DAPK2: variants seen among roughly 807,000 people sequenced by gnomAD.
DAPK2 encodes the protein death-associated protein kinase 2.
Under a neutral mutation model 44.1 loss-of-function variants are expected in DAPK2, and 35 were observed. The observed-to-expected ratio is 0.79, with a 90% CI of 0.61 to 1.05. The LOEUF (loss-of-function observed/expected upper bound fraction) is 1.05, where lower values mean the gene tolerates loss of function less well. DAPK2 is among the 50% of genes least tolerant of loss of function. The pLI, the probability that DAPK2 is intolerant of heterozygous loss-of-function variation, is 0.00. For synonymous variants in DAPK2, 174 were observed against 182.6 expected, an observed-to-expected ratio of 0.95 and a Z score of 0.38; for missense variants, 453 against 483.2, an observed-to-expected ratio of 0.94 and a Z score of 0.59.
At chr15:64,043,243 A>C (rs946918272), upstream of DAPK2, among the ~76,000 whole-genome samples, 1 of 152,250 alleles carries the variant, frequency 6.6e-6, no homozygotes, top group African/African-American at 2.4e-5. Context: ...ACTGTTCAGC[A>C]ATTTCTTTGG....
intron 8 of DAPK2, chr15:63,922,553 G>A (rs1426117507): frequency 7.2e-7 from 1 of 1,393,336 alleles, no homozygotes. Flanking sequence ...GATTGGTGAG[G>A]GGAGGTGCAG....
At chr15:64,041,658 T>C (rs539503444), upstream of DAPK2, among the ~76,000 whole-genome samples, 2 of 152,298 alleles carry the variant, frequency 1.3e-5, no homozygotes, top group South Asian at 4.1e-4. Flanking sequence ...CAACCACACA[T>C]GGGCTCCACG....
rs777820396 is a variant in DAPK2 at position 63,983,750 on chromosome 15, G to A, written c.97C>T (p.Gln33Ter). 134 of 1,610,356 alleles carry A rather than the reference G, an allele frequency of 8.3e-5. No individual in the cohort carries two copies. The highest frequency in any genetic ancestry group is 1.1e-4 in the Non-Finnish European group (132 of 1,179,918). Residue 33 changes from glutamine (Q) to a stop codon, truncating the protein, a stop_gained, in exon 2 of 11, where the codon CAG (glutamine) becomes TAG (stop). Transcript: ENST00000261891. LOFTEE classifies it high-confidence loss of function. ...CGGCACTTCTTCACGATGGCAAACTGGCCACTGTGGGGACACAGACCCACA... is the reference window on the plus strand; with the variant it reads ...CGGCACTTCTTCACGATGGCAAACTAGCCACTGTGGGGACACAGACCCACA...
At chr15:64,005,718 G>C (rs2079208007) in intron 1 of DAPK2, among the ~76,000 whole-genome samples, 1 of 152,142 alleles carries the variant, frequency 6.6e-6, no homozygotes, top group Non-Finnish European at 1.5e-5. Context: ...AGAAGAACCA[G>C]ATTCAAACCA....
chr15:63,929,389 T>G, intron 6 of DAPK2, 162 bp downstream of exon 7: 1 of 830,644 alleles, frequency 1.2e-6, no homozygotes, highest in Non-Finnish European at 1.9e-6. Flanking sequence ...ATGGATGAAA[T>G]GGACCTACAG....
At chr15:63,933,532 A>G (rs917569638) in intron 4 of DAPK2, among the ~76,000 whole-genome samples, 4 of 144,218 alleles carry the variant, frequency 2.8e-5, no homozygotes, top group African/African-American at 1.0e-4. Context: ...CGTGAGCCAC[A>G]GCGCCTGGCC....
chr15:64,031,235 T>C (rs2080005576), intron 1 of DAPK2, among the ~76,000 whole-genome samples: 1 of 151,176 alleles, frequency 6.6e-6, no homozygotes, highest in Admixed American at 6.6e-5. Context: ...GGGCAGATTT[T>C]CTTTTTTTTT....
In DAPK2 at chr15:63,908,560, C is replaced by G; in HGVS notation, c.1073G>C (p.Arg358Thr). The change falls in exon 11 of 11, where the codon AGG becomes ACG. Residue 358 changes from arginine to threonine, a missense_variant. Physicochemically the swap from Arg to Thr is moderately conservative, Grantham distance 71. Coordinates refer to ENST00000261891, the Ensembl canonical transcript of DAPK2. The surrounding 1 kb of genome is among the most constrained non-coding windows in gnomAD (Gnocchi z 5.7). ...CCTCCTCCGTGGGTGGAGGGCTTTCCTCCTGGCGATGTCCTCCTCAGTGTC... is the reference window on the plus strand; with the variant it reads ...CCTCCTCCGTGGGTGGAGGGCTTTCGTCCTGGCGATGTCCTCCTCAGTGTC... The G allele has an allele frequency of 6.2e-7, 1 of 1,602,790 alleles. No homozygotes were observed. Among genetic ancestry groups the G allele is most frequent in the Non-Finnish European group, 8.5e-7 (1 of 1,175,866 alleles).
At chr15:63,925,032 T>C (rs1567206314) in intron 7 of DAPK2, among the ~76,000 whole-genome samples, 171 bp from the exon 9 acceptor site, 3 of 152,190 alleles carry the variant, frequency 2.0e-5, no homozygotes, top group Admixed American at 1.3e-4. Context: ...AATCCTGCAC[T>C]CCAGGGGAAG....
At chr15:64,027,155 G>C (rs1460204631) in intron 1 of DAPK2, among the ~76,000 whole-genome samples, 1 of 152,180 alleles carries the variant, frequency 6.6e-6, no homozygotes, top group African/African-American at 2.4e-5. Flanking sequence ...GGCCAAGGCA[G>C]GTGGGTCATC....
chr15:64,035,888 C>T (rs1595921809), intron 1 of DAPK2, among the ~76,000 whole-genome samples: 1 of 152,276 alleles, frequency 6.6e-6, no homozygotes, highest in East Asian at 1.9e-4. Context: ...GATGCTCCAG[C>T]CAGGGTATCC....
At chr15:64,010,904 C>T (rs1269766269) in intron 1 of DAPK2, among the ~76,000 whole-genome samples, 1 of 152,174 alleles carries the variant, frequency 6.6e-6, no homozygotes, top group African/African-American at 2.4e-5. Context: ...AGAGGGTTCA[C>T]AGGGAAGCCG....
Position 63,939,379 on chromosome 15 carries a change from G to T in DAPK2, c.454-18C>A, listed in dbSNP as rs75770249. On this transcript the variant is annotated intron_variant, in intron 3 of 10. Transcript: ENST00000261891. This position sits in a 1 kb window ranked among gnomAD's most constrained non-coding sequence, Gnocchi z 4.3. ...TTTTCTGGCTGGACAACAAAAAGTA[G>T]AAAAAAAAAAAAGGAAGGAAGAAAA... 8.5e-5 allele frequency: 84 copies of T among 990,752 alleles called. No individual in the cohort carries two copies. The highest frequency in any genetic ancestry group is 1.1e-4 in the Non-Finnish European group (81 of 749,556). The allele number at this position is 990,752 out of a possible 1,614,324, so 61.4% of individuals were successfully genotyped here.
chr15:63,949,239 C>T (rs914207540), intron 3 of DAPK2, among the ~76,000 whole-genome samples: 8 of 152,246 alleles, frequency 5.3e-5, no homozygotes, highest in Non-Finnish European at 8.8e-5. Flanking sequence ...GGGTAGGCCA[C>T]TGTGTGGCTC....
chr15:63,985,612 G>C (rs752068693), intron 1 of DAPK2, among the ~76,000 whole-genome samples: 1 of 152,208 alleles, frequency 6.6e-6, no homozygotes, highest in Admixed American at 6.5e-5. Context: ...CAAAGCTTAA[G>C]GGTGGTAAGG....
intron 1 of DAPK2, among the ~76,000 whole-genome samples, chr15:64,025,363 C>G (rs2079808707): frequency 6.6e-6 from 1 of 152,190 alleles, no homozygotes; most frequent in South Asian, 2.1e-4. Context: ...TCCCCAACAT[C>G]CAGAGCGCCC....
At position 63,912,511 on chromosome 15, in the gene DAPK2, G is replaced by A. The variant is rs192691507; in HGVS notation, c.859-314C>T. Among the ~76,000 whole-genome samples the A allele has an allele frequency of 2.4e-4, 37 of 152,362 alleles. No homozygotes were observed. The East Asian group carries it at 7.1e-3, about 29-fold the overall frequency. ...CAATCGCACATCACTTTGGGGAGAG[G>A]GTCATTTTACAGCAGTCTGGGATGC... On this transcript the variant is annotated intron_variant, in intron 8 of 10. Coordinates refer to ENST00000261891, the Ensembl canonical transcript of DAPK2. The surrounding 1 kb of genome is among the most constrained non-coding windows in gnomAD (Gnocchi z 4.4).
intron 1 of DAPK2, among the ~76,000 whole-genome samples, chr15:64,033,348 T>C (rs1490831449): frequency 7.3e-6 from 1 of 136,892 alleles, no homozygotes; most frequent in African/African-American, 2.7e-5. Context: ...GCTGCTGGGT[T>C]AACTCCTGAC....
chr15:63,911,961 G>A, exon 10 of DAPK2: 1 of 1,614,020 alleles, frequency 6.2e-7, no homozygotes, highest in South Asian at 1.1e-5. Flanking sequence ...CGGGTGAGGT[G>A]GTTGCACAGG....
Sources: allele counts gnomAD v4.1 joint callset (sites outside exome capture counted in the v4.1 genomes callset), GRCh38; gene constraint gnomAD v4.1.1; non-coding constraint Gnocchi (gnomAD v3.1); transcripts MANE v1.5; gene names NCBI Gene and HGNC (gene_info 2026-07-23, HGNC 2026-07-21).